TMEM178B: variants seen among roughly 807,000 people sequenced by gnomAD.
TMEM178B encodes the protein transmembrane protein 178B.
A neutral mutation model predicts 31.0 loss-of-function variants in TMEM178B; 5 were observed. The observed-to-expected ratio is 0.16, with a 90% confidence interval of 0.08 to 0.34. The LOEUF (loss-of-function observed/expected upper bound fraction) is 0.34. Among genes scored for constraint, TMEM178B ranks in the 10% least tolerant of loss-of-function variants. The pLI, the probability that TMEM178B is intolerant of heterozygous loss-of-function variation, is 1.00. For missense variants in TMEM178B, 275 were observed against 400.3 expected, an observed-to-expected ratio of 0.69 and a Z score of 2.67; for synonymous variants, 164 against 164.0, an observed-to-expected ratio of 1.00 and a Z score of 0.00.
At chr7:141,243,074 A>G (rs961280011) in intron 2 of TMEM178B, among the ~76,000 whole-genome samples, 1 of 152,164 alleles carries the variant, frequency 6.6e-6, no homozygotes, top group African/African-American at 2.4e-5. Context: ...AAAATAAGAG[A>G]GACAGTTTAG....
rs141627453 is a variant in TMEM178B at position 141,127,595 on chromosome 7, G to C, written c.382+52903G>C. Among the ~76,000 whole-genome samples, 1,129 of 152,330 alleles carry C rather than the reference G, an allele frequency of 7.4e-3. 21 individuals are homozygous for C. Among genetic ancestry groups the C allele is most frequent in the African/African-American group, 0.026 (1,077 of 41,574 alleles). ...GAAACTGGAGAGAGGCATGGAATAG[G>C]TTCTCCCCTACAGCCTCTGGAAGGA... On this transcript the variant is annotated intron_variant, in intron 1 of 3. Transcript: ENST00000565468.
At chr7:141,211,667 G>A (rs1280581843) in intron 1 of TMEM178B, among the ~76,000 whole-genome samples, 4 of 152,250 alleles carry the variant, frequency 2.6e-5, no homozygotes, top group African/African-American at 9.6e-5. Context: ...AGTAATGGGG[G>A]AAGAGCTCCC....
At position 141,471,317 on chromosome 7, in the gene TMEM178B, A is replaced by G. The variant is rs1802237924; in HGVS notation, c.*531A>G. On this transcript the variant is annotated 3_prime_UTR_variant, in exon 4 of 4. Coordinates refer to ENST00000565468, the MANE Select transcript of TMEM178B (RefSeq NM_001195278.2). The surrounding 1 kb of genome is among the most constrained non-coding windows in gnomAD (Gnocchi z 4.1). ...GCAACACACAAGGAGTGGAAGAGAA[A>G]ACAAACTGAGAAGGACGTTTTCTCT... is the stretch of plus-strand genomic sequence containing the variant. 6.6e-6 allele frequency: 1 copy of G among 152,206 alleles called. No homozygotes were observed. Among genetic ancestry groups the G allele is most frequent in the South Asian group, 2.1e-4 (1 of 4,822 alleles). 9.4% of individuals were successfully genotyped at this position (152,206 alleles called of 1,614,324 possible).
rs10582858 is a variant in TMEM178B at position 141,192,490 on chromosome 7, CT to C, written c.383-20085del. Among the ~76,000 whole-genome samples, 651 of 142,074 alleles carry C rather than the reference CT, an allele frequency of 4.6e-3. 1 individual carries two copies. Among genetic ancestry groups the C allele is most frequent in the African/African-American group, 9.8e-3 (376 of 38,550 alleles). 93.2% of individuals were successfully genotyped at this position (142,074 alleles called of 152,430 possible). A position where few individuals can be genotyped will look rare whatever the true frequency, so the allele number is the denominator to read the frequency against. On this transcript the variant is annotated intron_variant, in intron 1 of 3. Coordinates refer to ENST00000565468, the MANE Select transcript of TMEM178B (RefSeq NM_001195278.2). ...GAATGGGGACTCTCCATGCAGCGGTCTTTTTTTTTTTTTTTTGAGACAGAGT... is the reference window on the plus strand; with the variant it reads ...GAATGGGGACTCTCCATGCAGCGGTCTTTTTTTTTTTTTTTGAGACAGAGT...
At chr7:141,257,299 T>A (rs563039135) in intron 2 of TMEM178B, among the ~76,000 whole-genome samples, 2 of 152,316 alleles carry the variant, frequency 1.3e-5, no homozygotes, top group Non-Finnish European at 2.9e-5. Flanking sequence ...AAGAAGTAAG[T>A]CCCTCACTTT....
chr7:141,486,986 T>G, the TMEM178B span, among the ~76,000 whole-genome samples: 2 of 152,096 alleles, frequency 1.3e-5, no homozygotes, highest in East Asian at 1.9e-4. Flanking sequence ...ATCTGCACTC[T>G]AGGGACACAG....
At position 141,212,603 on chromosome 7, in the gene TMEM178B, G is replaced by A. The variant is rs960934820; in HGVS notation, c.395G>A (p.Arg132Gln). 5.2e-6 allele frequency: 8 copies of A among 1,535,860 alleles called. No homozygotes were observed. The highest frequency in any genetic ancestry group is 2.4e-5 in the East Asian group (1 of 40,934). Residue 132 changes from arginine (R) to glutamine (Q), a missense_variant, in exon 2 of 4, where the codon CGA (arginine) becomes CAA (glutamine). Transcript: ENST00000565468. ...TTCTCTTTTCTAGGAGAAATTGAGC[G>A]ATGTACGTACATCAAATACCACTAC... ...AALIRKGEIE[R>Q]CTYIKYHYSS...
intron 1 of TMEM178B, among the ~76,000 whole-genome samples, chr7:141,199,966 G>A (rs953409266): frequency 1.3e-5 from 2 of 152,046 alleles, no homozygotes; most frequent in African/African-American, 4.8e-5. Context: ...CACAAGAATG[G>A]TGTGAACCCA....
At chr7:141,470,137 T>C (rs1362957102) in intron 3 of TMEM178B, among the ~76,000 whole-genome samples, 1 of 152,230 alleles carries the variant, frequency 6.6e-6, no homozygotes, top group Non-Finnish European at 1.5e-5. Flanking sequence ...TTTAAAGAAG[T>C]AGCAAACAGT....
chr7:141,434,235 T>C (rs553610510), intron 2 of TMEM178B, among the ~76,000 whole-genome samples: 1 of 152,368 alleles, frequency 6.6e-6, no homozygotes, highest in South Asian at 2.1e-4. Flanking sequence ...ACACCTCTTA[T>C]TGACCCATTG....
intron 2 of TMEM178B, among the ~76,000 whole-genome samples, chr7:141,236,086 G>C (rs1298697033): frequency 4.6e-5 from 7 of 152,200 alleles, no homozygotes; most frequent in Admixed American, 3.9e-4. Flanking sequence ...CCTAATTCCA[G>C]CTTCCAAATG....
intron 1 of TMEM178B, among the ~76,000 whole-genome samples, chr7:141,107,977 AGT>A (rs1795172851): frequency 6.6e-6 from 1 of 152,234 alleles, no homozygotes. Context: ...AAGTGAAGAA[AGT>A]GTTTCCAGGA....
intron 2 of TMEM178B, among the ~76,000 whole-genome samples, chr7:141,354,171 G>T (rs1799780445): frequency 6.6e-6 from 1 of 152,182 alleles, no homozygotes; most frequent in South Asian, 2.1e-4. Flanking sequence ...TTTATGGTCT[G>T]CAACTCGTAA....
At chr7:141,434,192 C>T (rs1056558384) in intron 2 of TMEM178B, among the ~76,000 whole-genome samples, 2 of 152,208 alleles carry the variant, frequency 1.3e-5, no homozygotes, top group African/African-American at 4.8e-5. Context: ...TGTTTTTCTG[C>T]CCAGCCCACT....
At chr7:141,372,019 T>G (rs1800125940) in intron 2 of TMEM178B, among the ~76,000 whole-genome samples, 1 of 152,214 alleles carries the variant, frequency 6.6e-6, no homozygotes, top group Admixed American at 6.5e-5. Context: ...TCCTGCCAGC[T>G]AATCCCCCAC....
At chr7:141,508,950 T>A in the TMEM178B span, among the ~76,000 whole-genome samples, 1 of 152,228 alleles carries the variant, frequency 6.6e-6, no homozygotes, top group East Asian at 1.9e-4. Flanking sequence ...ATGGACTAAC[T>A]GCAGCAACAC....
chr7:141,480,645 T>A (rs1802460015), downstream of TMEM178B, among the ~76,000 whole-genome samples: 1 of 152,248 alleles, frequency 6.6e-6, no homozygotes, highest in Non-Finnish European at 1.5e-5. Context: ...AAACTGTTGT[T>A]CTTTTTTTCC....
At chr7:141,426,359 T>C in intron 2 of TMEM178B, among the ~76,000 whole-genome samples, 1 of 152,126 alleles carries the variant, frequency 6.6e-6, no homozygotes, top group East Asian at 1.9e-4. Context: ...CTTAAATTTA[T>C]TGGTGAGAGG....
At chr7:141,175,611 A>G (rs1586809990) in intron 1 of TMEM178B, among the ~76,000 whole-genome samples, 1 of 152,074 alleles carries the variant, frequency 6.6e-6, no homozygotes, top group African/African-American at 2.4e-5. Flanking sequence ...ATGTTTTTCC[A>G]TTTGTTTGTG....
Sources: allele counts gnomAD v4.1 joint callset (sites outside exome capture counted in the v4.1 genomes callset), GRCh38; gene constraint gnomAD v4.1.1; non-coding constraint Gnocchi (gnomAD v3.1); transcripts MANE v1.5; gene names NCBI Gene and HGNC (gene_info 2026-07-23, HGNC 2026-07-21).